The following PCDHGA6 variants were observed in gnomAD, a reference collection of about 807,000 sequenced individuals.
PCDHGA6 encodes the protein protocadherin gamma-A6.
PCDHGA6 carries 41 observed loss-of-function variants against 60.6 expected under a neutral mutation model. The observed-to-expected ratio is 0.68, with a 90% CI of 0.53 to 0.88. The LOEUF (loss-of-function observed/expected upper bound fraction) is 0.88, where lower values mean the gene tolerates loss of function less well. Among genes scored for constraint, PCDHGA6 ranks in the 40% least tolerant of loss-of-function variants. PCDHGA6 has a pLI of 0.00. For synonymous variants in PCDHGA6, 594 were observed against 524.4 expected (o/e 1.13, Z -1.81); for missense variants, 1,312 against 1,203.0 (o/e 1.09, Z -1.34).
chr5:141,428,145 A>G (rs748256830), intron 1 of PCDHGA6: 10 of 1,592,574 alleles, frequency 6.3e-6, no homozygotes, highest in African/African-American at 1.3e-5. Context: ...GGGGCTGCAC[A>G]CGGGAACCTG....
At chr5:141,414,878 A>G in intron 1 of PCDHGA6, 2 of 1,614,026 alleles carry the variant, frequency 1.2e-6, no homozygotes, top group Non-Finnish European at 1.7e-6. Context: ...GAGATCCTGT[A>G]CCCCGCCCTC....
At chr5:141,403,058 C>A in intron 1 of PCDHGA6, 1 of 1,614,060 alleles carries the variant, frequency 6.2e-7, no homozygotes, top group Non-Finnish European at 8.5e-7. Context: ...CTACTCAGTG[C>A]CTGAAGAGAC....
chr5:141,498,919 CG>C (rs2099786825), intron 2 of PCDHGA6, among the ~76,000 whole-genome samples: 1 of 122,240 alleles, frequency 8.2e-6, no homozygotes, highest in African/African-American at 3.1e-5. Context: ...GGTGACAGAG[CG>C]AGACTCCATC....
In PCDHGA6 at chr5:141,432,635, G is replaced by T. The variant is rs754354737; in HGVS notation, c.2424+56128G>T. 8.7e-6 allele frequency: 14 copies of T among 1,613,004 alleles called. No individual in the cohort carries two copies. The South Asian group carries it at 1.4e-4, about 16-fold the overall frequency. On this transcript the variant is annotated intron_variant, in intron 1 of 3. Transcript: ENST00000517434. This position sits in a 1 kb window ranked among gnomAD's most constrained non-coding sequence, Gnocchi z 6.0. ...CTCGGTGGGTCTGCACACGGGCGAGGTGCGCACGGCGCGAGCCCTGCTGGA... is the reference window on the plus strand; with the variant it reads ...CTCGGTGGGTCTGCACACGGGCGAGTTGCGCACGGCGCGAGCCCTGCTGGA...
In PCDHGA6 at chr5:141,394,790, G is replaced by A. The variant is rs776824024; in HGVS notation, c.2424+18283G>A. The A allele has an allele frequency of 2.4e-5, 39 of 1,613,718 alleles. No homozygotes were observed. The African/African-American group carries it at 3.2e-4, about 13-fold the overall frequency. ...AGCCCCCTCTCTCCGCCACTGTCAC[G>A]CTCACCGTAGCCGTGGCTGACAGCA... On this transcript the variant is annotated intron_variant, in intron 1 of 3. Transcript: ENST00000517434.
At chr5:141,398,149 C>T (rs761559295) in intron 1 of PCDHGA6, 29 of 1,497,086 alleles carry the variant, frequency 1.9e-5, no homozygotes, top group Non-Finnish European at 2.6e-5. Context: ...CGCCGGGGAG[C>T]TGGGCCGGGC....
intron 1 of PCDHGA6, chr5:141,398,210 C>T (rs755562930): frequency 1.3e-6 from 2 of 1,483,862 alleles, no homozygotes; most frequent in South Asian, 1.3e-5. Flanking sequence ...TTCTGCCCGG[C>T]GCTCTGTGAG....
chr5:141,495,424 A>G (rs927637242), intron 2 of PCDHGA6, among the ~76,000 whole-genome samples: 2 of 152,088 alleles, frequency 1.3e-5, no homozygotes, highest in Non-Finnish European at 2.9e-5. Flanking sequence ...CCCTCCTCCC[A>G]CTGTCCTCTG....
intron 1 of PCDHGA6, chr5:141,390,721 T>G (rs1454628810): frequency 5.1e-6 from 1 of 195,622 alleles, no homozygotes; most frequent in African/African-American, 2.4e-5. Context: ...CTTAACTAAT[T>G]TAACTGGTAT....
intron 1 of PCDHGA6, chr5:141,418,345 T>G: frequency 6.2e-7 from 1 of 1,614,000 alleles, no homozygotes; most frequent in Non-Finnish European, 8.5e-7. Context: ...ATCCTGATAT[T>G]AGTATGAATT....
At chr5:141,392,965 A>C in intron 1 of PCDHGA6, 1 of 1,613,890 alleles carries the variant, frequency 6.2e-7, no homozygotes, top group East Asian at 2.2e-5. Context: ...ATCTCCAAGG[A>C]CCTGGGGCTG....
chr5:141,381,133 C>A (rs1285338974), intron 1 of PCDHGA6, among the ~76,000 whole-genome samples: 2 of 152,202 alleles, frequency 1.3e-5, no homozygotes, highest in East Asian at 1.9e-4. Context: ...TGGAGCAATG[C>A]CACCAGAAAG....
chr5:141,403,713 A>C (rs2094445702), intron 1 of PCDHGA6: 3 of 1,613,946 alleles, frequency 1.9e-6, no homozygotes, highest in Non-Finnish European at 2.5e-6. Flanking sequence ...GTCCTTGAGA[A>C]CGTGCCCCCA....
chr5:141,434,401 T>C (rs1036239430), intron 1 of PCDHGA6, among the ~76,000 whole-genome samples: 2 of 152,242 alleles, frequency 1.3e-5, no homozygotes. Context: ...ACAAAATCTC[T>C]GCAGCACTGT....
At chr5:141,410,266 G>A in intron 1 of PCDHGA6, 1 of 1,614,036 alleles carries the variant, frequency 6.2e-7, no homozygotes, top group South Asian at 1.1e-5. Context: ...AGGCTGAACT[G>A]CAGTTTTACC....
In PCDHGA6 at chr5:141,489,873, G is replaced by A. The variant is rs1252665956; in HGVS notation, c.2425-4934G>A. The A allele has an allele frequency of 4.3e-6, 7 of 1,614,224 alleles. No homozygotes were observed. The highest frequency in any genetic ancestry group is 5.9e-6 in the Non-Finnish European group (7 of 1,180,030). On this transcript the variant is annotated intron_variant, in intron 1 of 3. Coordinates refer to ENST00000517434, the MANE Select transcript of PCDHGA6 (RefSeq NM_018919.3). The surrounding 1 kb of genome is among the most constrained non-coding windows in gnomAD (Gnocchi z 4.5). Reference sequence around the variant, plus strand: ...AAGCCCAGGCAAGACATCAGCTGGTGCTTACTGCTGTGGATGGGGGGACCC... The same window carrying A: ...AAGCCCAGGCAAGACATCAGCTGGTACTTACTGCTGTGGATGGGGGGACCC...
At chr5:141,387,435 A>G (rs988959651) in intron 1 of PCDHGA6, among the ~76,000 whole-genome samples, 1 of 152,240 alleles carries the variant, frequency 6.6e-6, no homozygotes, top group African/African-American at 2.4e-5. Flanking sequence ...ATGTTTATGT[A>G]CTTAATCTAC....
chr5:141,502,446 C>T (rs541278139), intron 2 of PCDHGA6, among the ~76,000 whole-genome samples: 1 of 152,098 alleles, frequency 6.6e-6, no homozygotes, highest in South Asian at 2.1e-4. Context: ...ATTCAGATTA[C>T]ACACCTTGGT....
At chr5:141,444,125 C>A (rs1459174213) in intron 1 of PCDHGA6, among the ~76,000 whole-genome samples, 2 of 130,784 alleles carry the variant, frequency 1.5e-5, no homozygotes, top group African/African-American at 5.7e-5. Flanking sequence ...AGTATCTCAA[C>A]AGATATGTGT....
Sources: allele counts gnomAD v4.1 joint callset (sites outside exome capture counted in the v4.1 genomes callset), GRCh38; gene constraint gnomAD v4.1.1; non-coding constraint Gnocchi (gnomAD v3.1); transcripts MANE v1.5; gene names NCBI Gene and HGNC (gene_info 2026-07-23, HGNC 2026-07-21).